The following AGPAT5 variants were observed in gnomAD, a reference collection of about 807,000 sequenced individuals.
The protein encoded by AGPAT5 is 1-acyl-sn-glycerol-3-phosphate acyltransferase epsilon.
A neutral mutation model predicts 45.6 loss-of-function variants in AGPAT5; 46 were observed. The observed-to-expected ratio is 1.01, with a 90% CI of 0.80 to 1.29. The LOEUF is 1.29. Ranked by LOEUF, AGPAT5 falls within the 50% of genes most tolerant of loss-of-function variation. The pLI is 0.00. For synonymous variants in AGPAT5, 272 were observed against 167.0 expected (o/e 1.63, Z -4.85); for missense variants, 673 against 450.7 (o/e 1.49, Z -4.47).
At chr8:6,728,705 G>A (rs1203609776) in intron 2 of AGPAT5, among the ~76,000 whole-genome samples, 1 of 152,160 alleles carries the variant, frequency 6.6e-6, no homozygotes, top group Non-Finnish European at 1.5e-5. Context: ...TCCAAGATGT[G>A]CTGTAGCCTG....
chr8:6,750,984 T>C (rs1047180711), intron 6 of AGPAT5, among the ~76,000 whole-genome samples: 13 of 152,238 alleles, frequency 8.5e-5, no homozygotes, highest in Admixed American at 5.9e-4. Flanking sequence ...AACACGTTTT[T>C]CCTTCTAGTG....
intron 2 of AGPAT5, among the ~76,000 whole-genome samples, chr8:6,727,002 C>T (rs972264989): frequency 2.0e-5 from 3 of 152,296 alleles, no homozygotes; most frequent in African/African-American, 7.2e-5. Flanking sequence ...GTTTCAGAGA[C>T]CCCTAAAGCC....
Position 6,730,695 on chromosome 8 carries a change from G to T in AGPAT5, c.290-16G>T. 6.3e-7 allele frequency: 1 copy of T among 1,582,142 alleles called. No individual in the cohort carries two copies. The highest frequency in any genetic ancestry group is 8.7e-7 in the Non-Finnish European group (1 of 1,152,312). The stretch of plus-strand genomic sequence containing the variant: ...AAGAGCCTCATGTACGCGCTAACTG[G>T]GTCCTGTCTCTGCAGTTGACTGGAT... On this transcript the variant is annotated splice_polypyrimidine_tract_variant and intron_variant, in intron 2 of 7. Transcript: ENST00000285518.
chr8:6,752,264 C>CCAATTTGGATATTTTCCTTTAA (rs1563307619), intron 6 of AGPAT5, among the ~76,000 whole-genome samples: 1 of 152,064 alleles, frequency 6.6e-6, no homozygotes, highest in Non-Finnish European at 1.5e-5. Flanking sequence ...AGCGGTAACC[C>CCAATTTGGATATTTTCCTTTAA]CAATTTGGAT....
In AGPAT5 at chr8:6,732,664, C is replaced by CAGCTCTCA. The variant is rs758575939; in HGVS notation, c.495+14_495+15insAGCTCTCA. The CAGCTCTCA allele has an allele frequency of 1.3e-6, 2 of 1,572,584 alleles. No homozygotes were observed. The highest frequency in any genetic ancestry group is 2.4e-5 in the South Asian group (2 of 83,954). The stretch of plus-strand genomic sequence containing the variant: ...GCAGGAACTCCAGTAAGAGCCTACC[C>CAGCTCTCA]GTTTTTATTTTTCTTACCAGCTCTC... On this transcript the variant is annotated intron_variant, in intron 4 of 7. Coordinates refer to ENST00000285518, the MANE Select transcript of AGPAT5 (RefSeq NM_018361.5).
chr8:6,708,866 C>G lies in AGPAT5; in HGVS notation c.198C>G (p.Phe66Leu). 6.2e-7 allele frequency: 1 copy of G among 1,608,008 alleles called. No individual in the cohort carries two copies. The highest frequency in any genetic ancestry group is 8.5e-7 in the Non-Finnish European group (1 of 1,177,734). Residue 66 changes from phenylalanine (F) to leucine (L), a missense_variant, in exon 1 of 8, where the codon TTC (phenylalanine) becomes TTG (leucine). Transcript: ENST00000285518. ...ACCAGAGCATGGTGCTCTTCTTCTTCGAGAATTACACCGGGGTCCAGGTGA... is the reference window on the plus strand; with the variant it reads ...ACCAGAGCATGGTGCTCTTCTTCTTGGAGAATTACACCGGGGTCCAGGTGA... ...CVYQSMVLFF[F>L]ENYTGVQILL...
intron 5 of AGPAT5, among the ~76,000 whole-genome samples, chr8:6,746,773 C>G (rs1313334048): frequency 5.9e-5 from 9 of 152,132 alleles, no homozygotes; most frequent in Non-Finnish European, 2.9e-5. Flanking sequence ...CCAGAGAGGC[C>G]AGTAGAAAAT....
chr8:6,729,008 A>C (rs1397409859), intron 2 of AGPAT5, among the ~76,000 whole-genome samples: 2 of 152,206 alleles, frequency 1.3e-5, no homozygotes, highest in Non-Finnish European at 2.9e-5. Context: ...GTAGGGGAGA[A>C]TCTTTGCAAG....
At chr8:6,732,740 G>C in intron 4 of AGPAT5, 90 bp downstream of exon 4, 1 of 1,168,524 alleles carries the variant, frequency 8.6e-7, no homozygotes, top group Non-Finnish European at 1.2e-6. Flanking sequence ...TTTTGACAAT[G>C]TATTTTCCCA....
chr8:6,757,063 C>G (rs1717381547), intron 7 of AGPAT5, 100 bp from the exon 8 acceptor site: 3 of 820,806 alleles, frequency 3.7e-6, no homozygotes, highest in Non-Finnish European at 5.7e-6. Context: ...TTCCAGGGAC[C>G]TGCATAACTT....
intron 6 of AGPAT5, among the ~76,000 whole-genome samples, chr8:6,749,670 CGAA>C (rs1440279849): frequency 6.6e-6 from 1 of 152,162 alleles, no homozygotes; most frequent in African/African-American, 2.4e-5. Flanking sequence ...TTTAAACTAT[CGAA>C]GGAGTTACTT....
At chr8:6,750,225 GGC>G (rs1313559694) in intron 6 of AGPAT5, among the ~76,000 whole-genome samples, 3 of 152,152 alleles carry the variant, frequency 2.0e-5, no homozygotes, top group African/African-American at 7.2e-5. Context: ...CTTAGCACAG[GGC>G]TCTGCCTTTC....
chr8:6,710,862 G>C (rs554986478), intron 1 of AGPAT5, among the ~76,000 whole-genome samples: 4 of 152,114 alleles, frequency 2.6e-5, no homozygotes, highest in Admixed American at 6.5e-5. Context: ...TTGTCACTGA[G>C]ATGTTTTGAT....
intron 1 of AGPAT5, among the ~76,000 whole-genome samples, chr8:6,717,103 A>G (rs911483884): frequency 3.9e-5 from 6 of 152,250 alleles, no homozygotes; most frequent in Non-Finnish European, 7.3e-5. Flanking sequence ...AAGTTAAAAA[A>G]GAATTCTCAC....
Position 6,709,891 on chromosome 8 carries a change from C to T in AGPAT5, c.219+1004C>T, listed in dbSNP as rs1800092565. 1.3e-5 allele frequency among the ~76,000 whole-genome samples: 2 copies of T among 152,094 alleles called. 1 individual carries two copies. Among genetic ancestry groups the T allele is most frequent in the South Asian group, 4.1e-4 (2 of 4,828 alleles). On this transcript the variant is annotated intron_variant, in intron 1 of 7. Transcript: ENST00000285518. ...CATTTAAACCAGTGTCTGTAAGTGT[C>T]TCCTTGGAAAGAAAAAAAGATACTG...
intron 1 of AGPAT5, among the ~76,000 whole-genome samples, chr8:6,716,758 A>G (rs974491148): frequency 2.0e-5 from 3 of 152,118 alleles, no homozygotes; most frequent in Non-Finnish European, 4.4e-5. Flanking sequence ...ACTTGAGCCC[A>G]GGAGACAGAG....
chr8:6,745,217 T>A (rs1332786117), intron 5 of AGPAT5: 1 of 154,388 alleles, frequency 6.5e-6, no homozygotes, highest in Non-Finnish European at 1.5e-5. Context: ...AAAATTTTCT[T>A]CTTAGACATG....
At chr8:6,733,140 A>G (rs1054164402) in intron 4 of AGPAT5, among the ~76,000 whole-genome samples, 2 of 152,252 alleles carry the variant, frequency 1.3e-5, no homozygotes, top group African/African-American at 4.8e-5. Flanking sequence ...TTATTCCACA[A>G]AAGTGGGGAG....
chr8:6,749,057 C>G (rs1019513322), intron 6 of AGPAT5, among the ~76,000 whole-genome samples: 1 of 152,206 alleles, frequency 6.6e-6, no homozygotes, highest in Admixed American at 6.5e-5. Flanking sequence ...CGTAGGCCTT[C>G]TAGACGTAGT....
Sources: gnomAD v4.1 joint callset for allele counts (sites outside exome capture counted in the v4.1 genomes callset) on GRCh38, gnomAD v4.1.1 for gene constraint, MANE v1.5 for transcripts, NCBI Gene and HGNC (gene_info 2026-07-23, HGNC 2026-07-21) for gene names.